Variants in ABCA6 observed in about 807,000 individuals in gnomAD.
ABCA6 encodes ATP-binding cassette sub-family A member 6.
ABCA6 carries 164 observed loss-of-function variants against 191.2 expected under a neutral mutation model. The ratio of observed to expected loss-of-function variants is 0.86; its 90% CI spans 0.76 to 0.98. ABCA6 has a LOEUF of 0.98. ABCA6 is among the 50% of genes least tolerant of loss of function. ABCA6 has a pLI of 0.00. For synonymous variants in ABCA6, 636 were observed against 647.7 expected (o/e 0.98, Z 0.27); for missense variants, 1,958 against 1,894.1 (o/e 1.03, Z -0.63).
Position 69,137,489 on chromosome 17 carries a change from G to A in ABCA6, c.108C>T (p.Leu36=). 6.2e-7 allele frequency: 1 copy of A among 1,612,666 alleles called. No individual in the cohort carries two copies. Among genetic ancestry groups the A allele is most frequent in the Non-Finnish European group, 8.5e-7 (1 of 1,179,384 alleles). Residue 36 remains leucine, a synonymous_variant, in exon 3 of 39, where the codon CTC becomes CTT. Transcript: ENST00000284425. ...CAATACACAGTCCTAGAAGTATTGA[G>A]AGGCCCCATTCCTGTAATGCATATA... The part of the protein sequence containing the change: ...MKRESLLEWG[L]SILLGLCIAL...
intron 2 of ABCA6, among the ~76,000 whole-genome samples, chr17:69,138,671 C>T (rs948062585): frequency 6.6e-6 from 1 of 151,306 alleles, no homozygotes; most frequent in Non-Finnish European, 1.5e-5. Context: ...AAGCTGGAGG[C>T]ATCACACTAC....
chr17:69,129,509 A>T, intron 7 of ABCA6, 101 bp downstream of exon 7: 3 of 975,934 alleles, frequency 3.1e-6, no homozygotes, highest in Admixed American at 4.8e-5. Flanking sequence ...CACACAATGG[A>T]CATGAAAGTA....
chr17:69,082,948 A>C lies in ABCA6; in HGVS notation c.4541T>G (p.Val1514Gly), dbSNP rs753405366. 1 of 1,614,070 alleles carries C rather than the reference A, an allele frequency of 6.2e-7. No homozygotes were observed. Among genetic ancestry groups the C allele is most frequent in the Non-Finnish European group, 8.5e-7 (1 of 1,180,026 alleles). ...CAAAGTCACTTGAGACGTTTCCTTC[A>C]CTTTTAGCTCTAGAATGTAATCCTT... Reference protein sequence around the residue: ...LGKDYILELKVKETSQVTLVH... With the variant: ...LGKDYILELKGKETSQVTLVH... The change falls in exon 36 of 39, where the codon GTG (valine) becomes GGG (glycine). Residue 1514 changes from valine to glycine, a missense_variant. Transcript: ENST00000284425.
At position 69,096,375 on chromosome 17, in the gene ABCA6, A is replaced by G. The variant is rs114943611; in HGVS notation, c.3295-22T>C. The G allele has an allele frequency of 1.5e-3, 1,942 of 1,279,712 alleles. 25 individuals are homozygous for G. In the African/African-American group the frequency reaches 0.027, roughly 18 times the overall value. 79.3% of individuals were successfully genotyped at this position (1,279,712 alleles called of 1,614,324 possible). The stretch of plus-strand genomic sequence containing the variant: ...TAACCTGAGCATAAAAGAAATAATA[A>G]CATAGTCAAAAAATCAAATATTACT... On this transcript the variant is annotated intron_variant, in intron 24 of 38. Transcript: ENST00000284425.
intron 11 of ABCA6, among the ~76,000 whole-genome samples, chr17:69,117,621 A>C (rs914353146): frequency 2.0e-5 from 3 of 152,044 alleles, no homozygotes; most frequent in African/African-American, 7.2e-5. Flanking sequence ...GTGACAATAT[A>C]TAAAATATTG....
chr17:69,089,498 T>C lies in ABCA6; in HGVS notation c.3573A>G (p.Glu1191=), dbSNP rs1036730174. The C allele has an allele frequency of 3.1e-6, 5 of 1,613,634 alleles. No individual in the cohort carries two copies. Among genetic ancestry groups the C allele is most frequent in the Admixed American group, 1.7e-5 (1 of 59,998 alleles). The change falls in exon 27 of 39, where the codon GAA becomes GAG. Residue 1191 remains glutamate (E), a synonymous_variant. Transcript: ENST00000284425. Reference sequence around the variant, plus strand: ...AGACTAGAAAATCAGTGGCACTCAATTCAAAATTTGCCTCTGGAAATTCTC... The same window carrying C: ...AGACTAGAAAATCAGTGGCACTCAACTCAAAATTTGCCTCTGGAAATTCTC... ...HYREFPEANF[E]LSATDFLVCF...
chr17:69,089,597 A>G, intron 26 of ABCA6, 55 bp from the exon 27 acceptor site: 1 of 1,382,824 alleles, frequency 7.2e-7, no homozygotes, highest in African/African-American at 1.4e-5. Context: ...CTGCTTTATG[A>G]TTTGCACTTA....
At chr17:69,084,554 G>A in intron 32 of ABCA6, 47 bp from the exon 33 acceptor site, 2 of 1,568,138 alleles carry the variant, frequency 1.3e-6, no homozygotes, top group African/African-American at 2.7e-5. Context: ...AAGGTTTTTG[G>A]AAAATCCAAG....
chr17:69,133,928 A>G, intron 5 of ABCA6, 61 bp from the exon 6 acceptor site: 1 of 1,156,626 alleles, frequency 8.6e-7, no homozygotes, highest in East Asian at 2.5e-5. Flanking sequence ...GTGAACTATG[A>G]GTAAGCTCTG....
At chr17:69,123,929 T>C (rs1043924016) in intron 9 of ABCA6, among the ~76,000 whole-genome samples, 2 of 152,080 alleles carry the variant, frequency 1.3e-5, no homozygotes, top group Admixed American at 1.3e-4. Context: ...TTTTAAAATG[T>C]GATCTAAAAG....
chr17:69,107,635 A>G, intron 18 of ABCA6, 61 bp downstream of exon 18: 1 of 1,154,414 alleles, frequency 8.7e-7, no homozygotes, highest in Non-Finnish European at 1.3e-6. Flanking sequence ...AATTATAAAT[A>G]CTAAATTGAC....
chr17:69,140,792 T>C, intron 1 of ABCA6, 44 bp from the exon 2 acceptor site: 1 of 683,204 alleles, frequency 1.5e-6, no homozygotes, highest in Non-Finnish European at 2.3e-6. Context: ...GATCATAGTG[T>C]TGAGGAAAAT....
At chr17:69,102,482 G>A (rs535164842) in intron 21 of ABCA6, among the ~76,000 whole-genome samples, 3 of 152,124 alleles carry the variant, frequency 2.0e-5, no homozygotes, top group Admixed American at 6.6e-5. Flanking sequence ...AGTATTTAAT[G>A]TATTTTCTCA....
At chr17:69,114,431 A>G (rs1598037371) in intron 13 of ABCA6, among the ~76,000 whole-genome samples, 1 of 139,044 alleles carries the variant, frequency 7.2e-6, no homozygotes, top group East Asian at 2.5e-4. Context: ...GGGGGAGGGG[A>G]GAGGGATAGC....
At chr17:69,114,983 A>G in intron 12 of ABCA6, 46 bp from the exon 13 acceptor site, 1 of 1,368,868 alleles carries the variant, frequency 7.3e-7, no homozygotes. Context: ...AATACATTCT[A>G]TTAATATTCA....
rs1208538694 is a variant in ABCA6, at chr17:69,091,724, G to A, written c.3409-462C>T. On this transcript the variant is annotated intron_variant, in intron 25 of 38. Coordinates refer to ENST00000284425, the MANE Select transcript of ABCA6 (RefSeq NM_080284.3). The stretch of plus-strand genomic sequence containing the variant: ...TTTTTAGTAGAGACGGGGTTTCACC[G>A]TTTTAGCCGGGATGGTCTCGATCTC... Among the ~76,000 whole-genome samples, 2 of 28,132 alleles carry A rather than the reference G, an allele frequency of 7.1e-5. 1 individual carries two copies. The highest frequency in any genetic ancestry group is 4.9e-4 in the African/African-American group (2 of 4,120). The allele number at this position is 28,132 out of a possible 152,430, so 18.5% of individuals were successfully genotyped here.
chr17:69,088,270 G>T lies in ABCA6; in HGVS notation c.3607-12C>A. On this transcript the variant is annotated splice_polypyrimidine_tract_variant and intron_variant, in intron 27 of 38. Coordinates refer to ENST00000284425, the MANE Select transcript of ABCA6 (RefSeq NM_080284.3). ...GTCTGAAAGTAGGGCTATGAGCAAAGAAATACAGTTATATTTAGGCATAAG... is the reference window on the plus strand; with the variant it reads ...GTCTGAAAGTAGGGCTATGAGCAAATAAATACAGTTATATTTAGGCATAAG... The T allele has an allele frequency of 6.4e-7, 1 of 1,574,450 alleles. No homozygotes were observed.
intron 34 of ABCA6, among the ~76,000 whole-genome samples, chr17:69,083,859 T>C (rs1421760523): frequency 6.6e-6 from 1 of 150,726 alleles, no homozygotes; most frequent in Non-Finnish European, 1.5e-5. Context: ...CGAGAAAAAC[T>C]GGAGGAACAA....
At chr17:69,086,078 C>T (rs1225372317) in intron 30 of ABCA6, among the ~76,000 whole-genome samples, 2 of 152,108 alleles carry the variant, frequency 1.3e-5, no homozygotes, top group Non-Finnish European at 2.9e-5. Context: ...CAAATTCAAC[C>T]ACCTCTGTCC....
Sources: gnomAD v4.1 joint callset for allele counts (sites outside exome capture counted in the v4.1 genomes callset) on GRCh38, gnomAD v4.1.1 for gene constraint, MANE v1.5 for transcripts, NCBI Gene and HGNC (gene_info 2026-07-23, HGNC 2026-07-21) for gene names.